TDRD10: variants seen among roughly 807,000 people sequenced by gnomAD.
TDRD10 encodes tudor domain-containing protein 10.
TDRD10 carries 40 observed loss-of-function variants against 48.0 expected under a neutral mutation model. The observed-to-expected ratio is 0.83, with a 90% CI of 0.65 to 1.09. TDRD10 has a LOEUF of 1.09. Among genes scored for constraint, TDRD10 ranks in the 50% least tolerant of loss-of-function variants. The pLI, the probability that TDRD10 is intolerant of heterozygous loss-of-function variation, is 0.00. For synonymous variants in TDRD10, 162 were observed against 170.4 expected (o/e 0.95, Z 0.38); for missense variants, 378 against 434.7 (o/e 0.87, Z 1.16).
Position 154,502,399 on chromosome 1 carries a change from G to A in TDRD10, c.-658G>A, listed in dbSNP as rs12753666. ...AGCGGAGGCGGCGGGAGTATCCCCG[G>A]CGCAGCGACAGACGGTGGACGGACG... On this transcript the variant is annotated 5_prime_UTR_variant, in exon 1 of 13. Coordinates refer to ENST00000368482, the MANE Select transcript of TDRD10 (RefSeq NM_182499.4). 77,999 of 154,344 alleles carry A rather than the reference G, an allele frequency of 0.51. 22,889 individuals carry two copies. The highest frequency in any genetic ancestry group is 0.76 in the East Asian group (3,941 of 5,186). The allele number at this position is 154,344 out of a possible 1,614,324, so 9.6% of individuals were successfully genotyped here. A position where few individuals can be genotyped will look rare whatever the true frequency, so the allele number is the denominator to read the frequency against.
At chr1:154,520,045 A>G (rs1006562498) in intron 4 of TDRD10, among the ~76,000 whole-genome samples, 4 of 152,196 alleles carry the variant, frequency 2.6e-5, no homozygotes, top group African/African-American at 9.6e-5. Context: ...GCCCATAGCC[A>G]GCTGTATGTG....
At chr1:154,545,479 G>GATGA (rs1245349289) in intron 11 of TDRD10, among the ~76,000 whole-genome samples, 1 of 152,190 alleles carries the variant, frequency 6.6e-6, no homozygotes, top group Non-Finnish European at 1.5e-5. Context: ...AATGTAAAAG[G>GATGA]ATGAAAGAAT....
At chr1:154,520,794 G>A (rs1417079344) in intron 5 of TDRD10, among the ~76,000 whole-genome samples, 3 of 152,158 alleles carry the variant, frequency 2.0e-5, no homozygotes, top group African/African-American at 4.8e-5. Flanking sequence ...CCGGAGTGCT[G>A]TGGTGCAGTC....
intron 1 of TDRD10, among the ~76,000 whole-genome samples, chr1:154,503,601 A>G (rs960885313): frequency 3.9e-5 from 6 of 152,130 alleles, no homozygotes; most frequent in Non-Finnish European, 7.4e-5. Flanking sequence ...AAGACAAAAA[A>G]CAAACAAACA....
chr1:154,516,757 G>A (rs1693792208), intron 4 of TDRD10, among the ~76,000 whole-genome samples: 1 of 152,102 alleles, frequency 6.6e-6, no homozygotes, highest in Non-Finnish European at 1.5e-5. Context: ...GATTAGCCTG[G>A]GCAACATGAC....
In TDRD10 at chr1:154,544,823, T is replaced by G. The variant is rs754055846; in HGVS notation, c.826T>G (p.Trp276Gly). The change falls in exon 11 of 13, where the codon TGG becomes GGG. Residue 276 changes from tryptophan (W) to glycine (G), a missense_variant. Physicochemically the swap from Trp to Gly is radical, Grantham distance 184. Transcript: ENST00000368482. ...TTGGGTGCTGGACAGGGTGGACACC[T>G]GGGCTGTGGTCATGTTCATTGATTT... ...RCWVLDRVDT[W>G]AVVMFIDFGQ... is the part of the protein sequence containing the mutation. 6.2e-7 allele frequency: 1 copy of G among 1,614,232 alleles called. No homozygotes were observed. Among genetic ancestry groups the G allele is most frequent in the South Asian group, 1.1e-5 (1 of 91,090 alleles).
chr1:154,503,283 G>A (rs1055365913), intron 1 of TDRD10, among the ~76,000 whole-genome samples: 1 of 151,974 alleles, frequency 6.6e-6, no homozygotes, highest in East Asian at 1.9e-4. Context: ...CCCTCCCTTC[G>A]AAGCCCTTTA....
intron 6 of TDRD10, 197 bp from the exon 7 acceptor site, chr1:154,541,827 G>A (rs1276046841): frequency 3.4e-5 from 18 of 530,626 alleles, no homozygotes; most frequent in Non-Finnish European, 5.7e-5. Flanking sequence ...GCTTCTGATC[G>A]TCTTTTCTTT....
chr1:154,543,786 G>C (rs1044641709), intron 8 of TDRD10, among the ~76,000 whole-genome samples, 177 bp from the exon 9 acceptor site: 1 of 152,130 alleles, frequency 6.6e-6, no homozygotes, highest in Non-Finnish European at 1.5e-5. Context: ...CGTGGACTGG[G>C]ATTACTTGGG....
rs751097701 is a variant in TDRD10 at position 154,520,384 on chromosome 1, GTTCT to G, written c.212+17_212+20del. The G allele has an allele frequency of 5.0e-6, 8 of 1,609,960 alleles. No homozygotes were observed. Among genetic ancestry groups the G allele is most frequent in the African/African-American group, 1.3e-5 (1 of 74,810 alleles). ...AGAATGGCTGCAAATGGTAATGACT[GTTCT>G]TTCTTTGTTTTCTTTGGGAAGCAGC... is the stretch of plus-strand genomic sequence containing the variant. On this transcript the variant is annotated intron_variant, in intron 5 of 12. Coordinates refer to ENST00000368482, the MANE Select transcript of TDRD10 (RefSeq NM_182499.4).
At chr1:154,505,132 G>A (rs1341834178) in intron 1 of TDRD10, among the ~76,000 whole-genome samples, 1 of 152,234 alleles carries the variant, frequency 6.6e-6, no homozygotes, top group Non-Finnish European at 1.5e-5. Context: ...TCCCATTTGT[G>A]AGCATGGATG....
At chr1:154,541,607 C>T (rs994622539) in intron 6 of TDRD10, among the ~76,000 whole-genome samples, 1 of 152,038 alleles carries the variant, frequency 6.6e-6, no homozygotes, top group Non-Finnish European at 1.5e-5. Context: ...AGTGGCAGGG[C>T]ACCCAGGCTT....
chr1:154,508,270 T>C (rs1693258966), intron 3 of TDRD10, among the ~76,000 whole-genome samples, 153 bp from the exon 4 acceptor site: 1 of 152,120 alleles, frequency 6.6e-6, no homozygotes, highest in Non-Finnish European at 1.5e-5. Context: ...ATTCCAGGAC[T>C]TTGGGAGACT....
intron 6 of TDRD10, among the ~76,000 whole-genome samples, chr1:154,522,397 G>T (rs1203918340): frequency 6.6e-6 from 1 of 152,210 alleles, no homozygotes; most frequent in Non-Finnish European, 1.5e-5. Flanking sequence ...TTGGGGTTCT[G>T]TCAGCAAGGA....
At position 154,521,331 on chromosome 1, in the gene TDRD10, T is replaced by G; in HGVS notation, c.221T>G (p.Phe74Cys). ...CTCTCTTCCCTTTTCAGCTTTGCAT[T>G]TGTAGATCTGGGCTCCATGCAGAAA... is the stretch of plus-strand genomic sequence containing the variant. ...KIQNGCKCFA[F>C]VDLGSMQKVT... is the part of the protein sequence containing the mutation. Residue 74 changes from phenylalanine (F) to cysteine (C), a missense_variant, in exon 6 of 13, where the codon TTT (phenylalanine) becomes TGT (cysteine). By Grantham distance (205) the Phe-to-Cys change is radical. This residue lies in a region of TDRD10 where 310 missense variants were observed against 323.6 expected (regional missense o/e 0.96). Transcript: ENST00000368482. The G allele has an allele frequency of 1.2e-6, 2 of 1,613,770 alleles. No individual in the cohort carries two copies. Among genetic ancestry groups the G allele is most frequent in the Non-Finnish European group, 1.7e-6 (2 of 1,179,900 alleles).
chr1:154,530,024 T>A (rs1694525691), intron 6 of TDRD10, among the ~76,000 whole-genome samples: 1 of 152,138 alleles, frequency 6.6e-6, no homozygotes, highest in Non-Finnish European at 1.5e-5. Context: ...TCTTTTTTTT[T>A]CTGAGACAGA....
intron 6 of TDRD10, among the ~76,000 whole-genome samples, chr1:154,522,716 T>C (rs1012669048): frequency 2.6e-5 from 4 of 152,182 alleles, no homozygotes; most frequent in Non-Finnish European, 5.9e-5. Flanking sequence ...CTTTCTCTCT[T>C]AAGCCCTCTT....
intron 6 of TDRD10, chr1:154,534,539 G>A (rs996059599): frequency 2.0e-5 from 3 of 152,254 alleles, no homozygotes; most frequent in Non-Finnish European, 2.9e-5. Context: ...GCCCATCCTG[G>A]TAGAACTATC....
chr1:154,532,411 T>G (rs61275241), intron 6 of TDRD10, among the ~76,000 whole-genome samples: 29,531 of 151,952 alleles, frequency 0.19, 3,099 homozygotes, highest in South Asian at 0.23. Context: ...ACTCTAGCTG[T>G]CCTGCAAGCA....
Sources: allele counts gnomAD v4.1 joint callset (sites outside exome capture counted in the v4.1 genomes callset), GRCh38; gene constraint gnomAD v4.1.1; regional missense constraint gnomAD v4.1.1; transcripts MANE v1.5; gene names NCBI Gene and HGNC (gene_info 2026-07-23, HGNC 2026-07-21).